Variants in GALNT10 observed in about 807,000 individuals in gnomAD.
GALNT10 encodes GalNAc transferase 10.
A neutral mutation model predicts 75.0 loss-of-function variants in GALNT10; 41 were observed. The ratio of observed to expected loss-of-function variants is 0.55; its 90% CI spans 0.43 to 0.71. The LOEUF (loss-of-function observed/expected upper bound fraction) is 0.71. GALNT10 is among the 30% of genes least tolerant of loss of function. The pLI is 0.00. For missense variants in GALNT10, 727 were observed against 818.5 expected (o/e 0.89, Z 1.36); for synonymous variants, 302 against 313.0 (o/e 0.96, Z 0.37).
Position 154,376,274 on chromosome 5 carries a change from T to C in GALNT10, c.569-3T>C, listed in dbSNP as rs1449582429. 2 of 1,598,290 alleles carry C rather than the reference T, an allele frequency of 1.3e-6. No homozygotes were observed. The highest frequency in any genetic ancestry group is 1.7e-6 in the Non-Finnish European group (2 of 1,167,028). ...CACTCTTCTGTCCTCTTCTGTCTCA[T>C]AGAGCACCTGAAGAAGCCTCTTGAA... On this transcript the variant is annotated splice_region_variant and splice_polypyrimidine_tract_variant and intron_variant, in intron 4 of 11. Coordinates refer to ENST00000297107, the MANE Select transcript of GALNT10 (RefSeq NM_198321.4). The surrounding 1 kb of genome is among the most constrained non-coding windows in gnomAD (Gnocchi z 4.1).
intron 1 of GALNT10, among the ~76,000 whole-genome samples, chr5:154,204,551 G>A (rs944362629): frequency 1.3e-5 from 2 of 152,170 alleles, no homozygotes; most frequent in Non-Finnish European, 2.9e-5. Context: ...CTGGCTCACT[G>A]TGTCTCCTCC....
At chr5:154,261,783 C>G (rs1002433055) in intron 1 of GALNT10, among the ~76,000 whole-genome samples, 9 of 152,186 alleles carry the variant, frequency 5.9e-5, no homozygotes, top group African/African-American at 2.2e-4. Context: ...GTTGAAAGCT[C>G]ACAGCAAAAA....
At chr5:154,232,116 T>C (rs114693113) in intron 1 of GALNT10, among the ~76,000 whole-genome samples, 175 of 152,318 alleles carry the variant, frequency 1.1e-3, no homozygotes, top group African/African-American at 4.0e-3. Context: ...AAAGATATTA[T>C]AAGCAGATTT....
At chr5:154,275,327 G>A (rs1028820873) in intron 1 of GALNT10, among the ~76,000 whole-genome samples, 1 of 152,170 alleles carries the variant, frequency 6.6e-6, no homozygotes, top group Non-Finnish European at 1.5e-5. Flanking sequence ...GGGGAATTGA[G>A]GATAGTTGTT....
At chr5:154,281,803 T>A (rs1754041782) in intron 1 of GALNT10, among the ~76,000 whole-genome samples, 1 of 152,186 alleles carries the variant, frequency 6.6e-6, no homozygotes, top group South Asian at 2.1e-4. Context: ...CCCCCTGAAG[T>A]CCTCAAGAAC....
chr5:154,246,769 C>T (rs1301705104), intron 1 of GALNT10, among the ~76,000 whole-genome samples: 2 of 152,172 alleles, frequency 1.3e-5, no homozygotes, highest in African/African-American at 2.4e-5. Context: ...TGCCTGTTCA[C>T]TCTGATGGTA....
intron 7 of GALNT10, among the ~76,000 whole-genome samples, chr5:154,398,791 G>T (rs1339754031): frequency 6.6e-6 from 1 of 152,136 alleles, no homozygotes; most frequent in Non-Finnish European, 1.5e-5. Flanking sequence ...TCATTCTCTT[G>T]GTCACTTGCA....
rs62379906 is a variant in GALNT10, at chr5:154,352,253, G to A, written c.568+22515G>A. On this transcript the variant is annotated intron_variant, in intron 4 of 11. Coordinates refer to ENST00000297107, the MANE Select transcript of GALNT10 (RefSeq NM_198321.4). The surrounding 1 kb of genome is among the most constrained non-coding windows in gnomAD (Gnocchi z 4.4). The stretch of plus-strand genomic sequence containing the variant: ...AGGGAAGGCTCCCTCAGCCACCCCC[G>A]GCTCCAGCTACTCTTCCACACCCCA... Among the ~76,000 whole-genome samples the A allele has an allele frequency of 0.15, 22,721 of 152,144 alleles. 1,842 individuals carry two copies. Among genetic ancestry groups the A allele is most frequent in the African/African-American group, 0.17 (7,103 of 41,500 alleles).
chr5:154,208,923 T>C (rs1775151437), intron 1 of GALNT10, among the ~76,000 whole-genome samples: 1 of 152,168 alleles, frequency 6.6e-6, no homozygotes, highest in African/African-American at 2.4e-5. Flanking sequence ...ATCCTGACTT[T>C]GTTGGAGAGG....
intron 1 of GALNT10, among the ~76,000 whole-genome samples, chr5:154,205,833 G>T (rs151035967): frequency 3.9e-4 from 60 of 152,306 alleles, no homozygotes; most frequent in Non-Finnish European, 6.9e-4. Flanking sequence ...GGAAGAGGAG[G>T]AAGGAAGCAT....
intron 1 of GALNT10, among the ~76,000 whole-genome samples, chr5:154,205,254 G>C (rs1185930151): frequency 1.3e-5 from 2 of 152,242 alleles, no homozygotes; most frequent in Non-Finnish European, 2.9e-5. Context: ...TTAATCAGAA[G>C]CAGCTCCTGT....
chr5:154,379,904 G>A (rs1240366355), intron 5 of GALNT10, among the ~76,000 whole-genome samples: 1 of 152,126 alleles, frequency 6.6e-6, no homozygotes, highest in Middle Eastern at 3.2e-3. Flanking sequence ...CTTGCAAGGA[G>A]GGCCGTTTGC....
chr5:154,211,648 G>A (rs1775199380), intron 1 of GALNT10, among the ~76,000 whole-genome samples: 1 of 152,208 alleles, frequency 6.6e-6, no homozygotes, highest in Non-Finnish European at 1.5e-5. Flanking sequence ...CTGGGTGGTG[G>A]TGGTACAGTG....
At chr5:154,410,615 C>T (rs1372550718) in intron 9 of GALNT10, among the ~76,000 whole-genome samples, 3 of 152,160 alleles carry the variant, frequency 2.0e-5, no homozygotes, top group South Asian at 2.1e-4. Context: ...TTGGCTAACA[C>T]GGGGCAGTAA....
intron 4 of GALNT10, among the ~76,000 whole-genome samples, chr5:154,362,268 C>A (rs984375429): frequency 9.9e-5 from 15 of 152,166 alleles, no homozygotes; most frequent in African/African-American, 3.6e-4. Flanking sequence ...GCAGCTCATA[C>A]ATAACCAGAG....
intron 1 of GALNT10, among the ~76,000 whole-genome samples, chr5:154,197,425 A>G (rs964604607): frequency 7.9e-5 from 12 of 152,086 alleles, no homozygotes; most frequent in Admixed American, 1.3e-4. Context: ...AAGCTAAACA[A>G]TTCTGCTTGC....
At chr5:154,369,992 T>C (rs910910583) in intron 4 of GALNT10, among the ~76,000 whole-genome samples, 6 of 152,234 alleles carry the variant, frequency 3.9e-5, no homozygotes, top group African/African-American at 1.4e-4. Flanking sequence ...CAAGGCTCAG[T>C]GGCATCAGAG....
In GALNT10 at chr5:154,415,825, C is replaced by A; in HGVS notation, c.1546C>A (p.Pro516Thr). ...GAGAGAGGACATCCGGCCTGGAGAC[C>A]CCCAGCACACCAAGAAGTTCTGCTT... The part of the protein sequence containing the change: ...TWREDIRPGD[P>T]QHTKKFCFDA... Residue 516 changes from proline (P) to threonine (T), a missense_variant, in exon 11 of 12, where the codon CCC becomes ACC. Physicochemically the swap from Pro to Thr is conservative, Grantham distance 38. Coordinates refer to ENST00000297107, the MANE Select transcript of GALNT10 (RefSeq NM_198321.4). 1 of 1,614,124 alleles carries A rather than the reference C, an allele frequency of 6.2e-7. No homozygotes were observed. The highest frequency in any genetic ancestry group is 8.5e-7 in the Non-Finnish European group (1 of 1,179,972).
At chr5:154,290,355 C>T (rs1012934715) in intron 1 of GALNT10, among the ~76,000 whole-genome samples, 11 of 150,984 alleles carry the variant, frequency 7.3e-5, no homozygotes, top group Admixed American at 7.3e-4. Flanking sequence ...GTGATCCGCC[C>T]ACCTCAGCCT....
Sources: allele counts gnomAD v4.1 joint callset (sites outside exome capture counted in the v4.1 genomes callset), GRCh38; gene constraint gnomAD v4.1.1; non-coding constraint Gnocchi (gnomAD v3.1); transcripts MANE v1.5; gene names NCBI Gene and HGNC (gene_info 2026-07-23, HGNC 2026-07-21).